The following MBNL2 variants were observed in gnomAD, a reference collection of about 807,000 sequenced individuals.
MBNL2 encodes the protein muscleblind like splicing regulator 2.
Under a neutral mutation model 41.9 loss-of-function variants are expected in MBNL2, and 17 were observed. The ratio of observed to expected loss-of-function variants is 0.41; its 90% CI spans 0.28 to 0.61. MBNL2 has a LOEUF of 0.61. Ranked by LOEUF, MBNL2 falls within the 20% of genes least tolerant of loss-of-function variation. MBNL2 has a pLI of 0.35. For synonymous variants in MBNL2, 195 were observed against 182.9 expected (o/e 1.07, Z -0.53); for missense variants, 336 against 505.6 (o/e 0.66, Z 3.22).
At position 97,234,453 on chromosome 13, in the gene MBNL2, G is replaced by A. The variant is rs143629597; in HGVS notation, c.-605+11922G>A. On this transcript the variant is annotated intron_variant, in intron 1 of 8. Transcript: ENST00000679496. ...AGCTGTGATAAGAGAAAGAGGTGGG[G>A]CTCTTTAACTTCTCTCAGCTTGGTT... Among the ~76,000 whole-genome samples, 369 of 152,298 alleles carry A rather than the reference G, an allele frequency of 2.4e-3. 2 individuals carry two copies. Among genetic ancestry groups the A allele is most frequent in the African/African-American group, 8.5e-3 (355 of 41,562 alleles).
intron 2 of MBNL2, among the ~76,000 whole-genome samples, chr13:97,319,532 A>G (rs974866063): frequency 6.6e-6 from 1 of 151,966 alleles, no homozygotes; most frequent in Non-Finnish European, 1.5e-5. Flanking sequence ...AGCGAAGATG[A>G]CCCCACCCGT....
intron 2 of MBNL2, among the ~76,000 whole-genome samples, chr13:97,328,149 A>C (rs1171536752): frequency 6.7e-6 from 1 of 148,234 alleles, no homozygotes; most frequent in African/African-American, 2.5e-5. Context: ...CAATTAGTCC[A>C]GTTCTGAGAC....
intron 2 of MBNL2, among the ~76,000 whole-genome samples, chr13:97,284,170 G>A (rs1176788131): frequency 6.6e-6 from 1 of 152,132 alleles, no homozygotes; most frequent in Non-Finnish European, 1.5e-5. Context: ...AGATCTGGAG[G>A]TCAGAAGTCC....
the MBNL2 span, among the ~76,000 whole-genome samples, chr13:97,173,307 A>G: frequency 6.6e-6 from 1 of 152,260 alleles, no homozygotes; most frequent in South Asian, 2.1e-4. Flanking sequence ...ACAACTGCTT[A>G]TGTGCCAAGT....
chr13:97,298,302 G>A (rs1432494242), intron 2 of MBNL2, among the ~76,000 whole-genome samples: 1 of 152,202 alleles, frequency 6.6e-6, no homozygotes, highest in African/African-American at 2.4e-5. Context: ...TAGGAAGGCA[G>A]TAACTATTTC....
At chr13:97,272,302 G>T (rs1279636233) in intron 1 of MBNL2, among the ~76,000 whole-genome samples, 4 of 151,966 alleles carry the variant, frequency 2.6e-5, no homozygotes, top group Admixed American at 2.6e-4. Flanking sequence ...GGGATTGTTT[G>T]TTTTTTTCTT....
rs114991201 is a variant in MBNL2, at chr13:97,317,802, A to G, written c.175-16474A>G. On this transcript the variant is annotated intron_variant, in intron 2 of 8. Coordinates refer to ENST00000679496, the MANE Select transcript of MBNL2 (RefSeq NM_001382683.1). ...TCGATCACTTTAATGGGATTTTGAA[A>G]ACTGTATGATTTATGAAACATTACA... Among the ~76,000 whole-genome samples the G allele has an allele frequency of 9.4e-3, 1,436 of 152,338 alleles. 31 individuals are homozygous for G. The highest frequency in any genetic ancestry group is 0.033 in the African/African-American group (1,353 of 41,582).
chr13:97,193,816 T>G, the MBNL2 span, among the ~76,000 whole-genome samples: 1 of 152,154 alleles, frequency 6.6e-6, no homozygotes, highest in East Asian at 1.9e-4. Context: ...TTACTGCCCT[T>G]AACTGTCTTT....
At chr13:97,171,624 T>A in the MBNL2 span, among the ~76,000 whole-genome samples, 14,678 of 152,158 alleles carry the variant, frequency 0.096, 798 homozygotes, top group South Asian at 0.16. Context: ...AGGGAATACA[T>A]TTAGAATTAT....
the MBNL2 span, among the ~76,000 whole-genome samples, chr13:97,186,678 T>C: frequency 9.2e-5 from 14 of 152,238 alleles, no homozygotes; most frequent in Non-Finnish European, 1.8e-4. Context: ...TCTCCAACTA[T>C]GGATACTTTC....
chr13:97,294,333 A>G (rs1444227268), intron 2 of MBNL2, among the ~76,000 whole-genome samples: 2 of 152,170 alleles, frequency 1.3e-5, no homozygotes, highest in South Asian at 2.1e-4. Context: ...GTTCTTAGGG[A>G]TTTTATAAAC....
chr13:97,176,700 G>A, the MBNL2 span, among the ~76,000 whole-genome samples: 1 of 152,184 alleles, frequency 6.6e-6, no homozygotes, highest in Non-Finnish European at 1.5e-5. Flanking sequence ...ACTTCAAAAT[G>A]TTTCTCTTCA....
chr13:97,187,864 G>C, the MBNL2 span, among the ~76,000 whole-genome samples: 1 of 150,236 alleles, frequency 6.7e-6, no homozygotes, highest in Non-Finnish European at 1.5e-5. Flanking sequence ...AGCTGAGATC[G>C]CGCCACCGCA....
the MBNL2 span, among the ~76,000 whole-genome samples, chr13:97,181,109 C>T: frequency 6.6e-6 from 1 of 152,000 alleles, no homozygotes; most frequent in East Asian, 1.9e-4. Context: ...CCCACCTTCT[C>T]TGACTTCTGC....
chr13:97,283,280 C>T (rs751812010), intron 2 of MBNL2, among the ~76,000 whole-genome samples: 10 of 152,292 alleles, frequency 6.6e-5, no homozygotes, highest in Middle Eastern at 3.4e-3. Flanking sequence ...CATTTCCCAC[C>T]TCTGTGCCAA....
chr13:97,231,243 A>G (rs542274011), intron 1 of MBNL2, among the ~76,000 whole-genome samples: 2 of 152,344 alleles, frequency 1.3e-5, no homozygotes, highest in African/African-American at 4.8e-5. Context: ...ACCATAAGTA[A>G]CCAGACAGCA....
chr13:97,347,105 C>T, intron 5 of MBNL2, 38 bp downstream of exon 5: 7 of 1,462,726 alleles, frequency 4.8e-6, no homozygotes, highest in Non-Finnish European at 1.8e-6. Context: ...ACCCCGGCGC[C>T]TCTGCGGAGG....
chr13:97,246,175 T>C (rs1307247940), intron 1 of MBNL2, among the ~76,000 whole-genome samples: 2 of 152,212 alleles, frequency 1.3e-5, no homozygotes, highest in Non-Finnish European at 1.5e-5. Context: ...TCCCAACTTA[T>C]AAACAGGACT....
Position 97,276,130 on chromosome 13 carries a change from T to C in MBNL2, c.-106T>C. On this transcript the variant is annotated 5_prime_UTR_variant, in exon 2 of 9. Transcript: ENST00000679496. Reference sequence around the variant, plus strand: ...TCACTAAGCAATTTATCACTCACCTTCAGACTTACATGTGGGAGTTTTCAC... The same window carrying C: ...TCACTAAGCAATTTATCACTCACCTCCAGACTTACATGTGGGAGTTTTCAC... 1.2e-6 allele frequency: 1 copy of C among 839,720 alleles called. No individual in the cohort carries two copies. The highest frequency in any genetic ancestry group is 1.9e-6 in the Non-Finnish European group (1 of 514,500). 52.0% of individuals were successfully genotyped at this position (839,720 alleles called of 1,614,324 possible).
Sources: allele counts gnomAD v4.1 joint callset (sites outside exome capture counted in the v4.1 genomes callset), GRCh38; gene constraint gnomAD v4.1.1; transcripts MANE v1.5; gene names NCBI Gene and HGNC (gene_info 2026-07-23, HGNC 2026-07-21).